Variants in CACNA2D3 observed in about 807,000 individuals in gnomAD.
CACNA2D3 encodes the protein voltage-dependent calcium channel subunit alpha-2/delta-3.
In CACNA2D3, 60 loss-of-function variants were observed where a neutral mutation model predicts 160.6. That is an observed-to-expected ratio of 0.37 (90% CI 0.30 to 0.46). The LOEUF (loss-of-function observed/expected upper bound fraction) is 0.46. Ranked by LOEUF, CACNA2D3 falls within the 20% of genes least tolerant of loss-of-function variation. CACNA2D3 has a pLI of 1.00. For synonymous variants in CACNA2D3, 558 were observed against 492.9 expected (o/e 1.13, Z -1.75); for missense variants, 1,205 against 1,365.0 (o/e 0.88, Z 1.85).
intron 2 of CACNA2D3, among the ~76,000 whole-genome samples, chr3:54,260,533 C>T (rs1426378239): frequency 6.6e-6 from 1 of 152,056 alleles, no homozygotes; most frequent in Non-Finnish European, 1.5e-5. Flanking sequence ...TCTTGATGAC[C>T]TTATCTAATC....
rs533594944 is a variant in CACNA2D3, at chr3:54,555,463, G to A, written c.545-7337G>A. 5.3e-5 allele frequency among the ~76,000 whole-genome samples: 8 copies of A among 152,320 alleles called. No homozygotes were observed. The South Asian group carries it at 1.7e-3, about 32-fold the overall frequency. On this transcript the variant is annotated intron_variant, in intron 5 of 37. Transcript: ENST00000474759. The stretch of plus-strand genomic sequence containing the variant: ...CCTATGTAGCATGTGCACACCACAA[G>A]CCAGAGCAGTTATCTGGGTGAAAAT...
At chr3:54,207,547 C>A (rs1264636096) in intron 2 of CACNA2D3, among the ~76,000 whole-genome samples, 1 of 152,190 alleles carries the variant, frequency 6.6e-6, no homozygotes, top group South Asian at 2.1e-4. Flanking sequence ...CTCCCTTGCA[C>A]AAACCCACTG....
At chr3:54,147,063 C>T (rs1190246645) in intron 2 of CACNA2D3, among the ~76,000 whole-genome samples, 1 of 152,232 alleles carries the variant, frequency 6.6e-6, no homozygotes, top group Admixed American at 6.5e-5. Context: ...GCATCAGAAC[C>T]CATACCTTTT....
At chr3:55,054,767 T>C (rs1704321744) in intron 35 of CACNA2D3, among the ~76,000 whole-genome samples, 1 of 151,964 alleles carries the variant, frequency 6.6e-6, no homozygotes, top group Admixed American at 6.6e-5. Context: ...TTTTGTACTT[T>C]GGATATTGTG....
intron 13 of CACNA2D3, among the ~76,000 whole-genome samples, chr3:54,765,741 T>G: frequency 6.6e-6 from 1 of 152,198 alleles, no homozygotes; most frequent in East Asian, 1.9e-4. Flanking sequence ...AGACACAGTT[T>G]CTACAATTAA....
At chr3:54,515,453 G>T (rs1701535430) in intron 5 of CACNA2D3, among the ~76,000 whole-genome samples, 1 of 152,162 alleles carries the variant, frequency 6.6e-6, no homozygotes, top group Admixed American at 6.5e-5. Context: ...CTGATAAAAG[G>T]AAATACGCCT....
At chr3:54,715,819 G>A (rs1701040958) in intron 11 of CACNA2D3, among the ~76,000 whole-genome samples, 1 of 152,180 alleles carries the variant, frequency 6.6e-6, no homozygotes, top group Non-Finnish European at 1.5e-5. Context: ...GATAAACTTG[G>A]AGGACATTAT....
At chr3:54,580,191 C>T (rs1241312090) in intron 8 of CACNA2D3, among the ~76,000 whole-genome samples, 2 of 152,012 alleles carry the variant, frequency 1.3e-5, no homozygotes, top group Admixed American at 6.6e-5. Context: ...GCTTGCCAAA[C>T]GGTGCTAAGA....
intron 11 of CACNA2D3, among the ~76,000 whole-genome samples, chr3:54,644,993 A>C (rs1699606287): frequency 6.6e-6 from 1 of 152,222 alleles, no homozygotes; most frequent in African/African-American, 2.4e-5. Context: ...AAAAACTGTC[A>C]ATTACCAATC....
rs1350122712 is a variant in CACNA2D3 at position 54,822,799 on chromosome 3, C to CT, written c.1398+5932dup. On this transcript the variant is annotated intron_variant, in intron 14 of 37. Transcript: ENST00000474759. ...CTTTCTTTCTTTCTTTCCTTTCTTT[C>CT]TTTCTTTCTTTCTTTCTTTCTTTCT... Among the ~76,000 whole-genome samples, 204 of 53,178 alleles carry CT rather than the reference C, an allele frequency of 3.8e-3. 1 individual carries two copies. Among genetic ancestry groups the CT allele is most frequent in the African/African-American group, 9.6e-3 (131 of 13,688 alleles). 34.9% of individuals were successfully genotyped at this position (53,178 alleles called of 152,430 possible). A position where few individuals can be genotyped will look rare whatever the true frequency, so the allele number is the denominator to read the frequency against.
chr3:54,716,284 G>C (rs13084602), intron 11 of CACNA2D3, among the ~76,000 whole-genome samples: 33,437 of 152,064 alleles, frequency 0.22, 3,932 homozygotes, highest in South Asian at 0.29. Context: ...TGCTAAGGTT[G>C]AGGATACACC....
chr3:54,149,918 T>TCG (rs1700109415), intron 2 of CACNA2D3, among the ~76,000 whole-genome samples: 3 of 88,040 alleles, frequency 3.4e-5, no homozygotes, highest in African/African-American at 1.5e-4. Context: ...TCTCTCTCTC[T>TCG]CTCTCTCTCT....
rs1272749149 is a variant in CACNA2D3, at chr3:54,763,746, TGC to T, written c.1247-471_1247-470del. Among the ~76,000 whole-genome samples, 73 of 92,052 alleles carry T rather than the reference TGC, an allele frequency of 7.9e-4. 8 individuals are homozygous for T. The highest frequency in any genetic ancestry group is 9.7e-4 in the Non-Finnish European group (41 of 42,208). The allele number at this position is 92,052 out of a possible 152,430, so 60.4% of individuals were successfully genotyped here. On this transcript the variant is annotated intron_variant, in intron 12 of 37. Coordinates refer to ENST00000474759, the MANE Select transcript of CACNA2D3 (RefSeq NM_018398.3). ...ATATACATATATATGTGTATATATGTGCATATATATACACATATATATGTATA... is the reference window on the plus strand; with the variant it reads ...ATATACATATATATGTGTATATATGTATATATATACACATATATATGTATA...
At chr3:54,304,607 C>T (rs1378636452) in intron 2 of CACNA2D3, among the ~76,000 whole-genome samples, 4 of 152,070 alleles carry the variant, frequency 2.6e-5, no homozygotes, top group Admixed American at 6.5e-5. Context: ...ATTACATCTA[C>T]CATCTGATTG....
At chr3:54,404,731 C>A (rs1458358110) in intron 4 of CACNA2D3, among the ~76,000 whole-genome samples, 2 of 151,860 alleles carry the variant, frequency 1.3e-5, no homozygotes, top group East Asian at 3.9e-4. Flanking sequence ...TGTAGAAAAC[C>A]CCAAAGACTC....
intron 5 of CACNA2D3, among the ~76,000 whole-genome samples, chr3:54,558,298 A>G (rs1702270729): frequency 6.6e-6 from 1 of 152,302 alleles, no homozygotes; most frequent in Non-Finnish European, 1.5e-5. Flanking sequence ...TGGTGAGGGT[A>G]CAGGGCTCTA....
At chr3:54,286,134 C>T (rs200984048) in intron 2 of CACNA2D3, among the ~76,000 whole-genome samples, 1 of 152,164 alleles carries the variant, frequency 6.6e-6, no homozygotes, top group East Asian at 1.9e-4. Flanking sequence ...CTACTCCGAG[C>T]TACAGGAGGA....
intron 27 of CACNA2D3, among the ~76,000 whole-genome samples, chr3:54,961,033 T>A (rs1702019806): frequency 6.6e-6 from 1 of 152,226 alleles, no homozygotes; most frequent in South Asian, 2.1e-4. Context: ...TTCAGATTCG[T>A]TGTTAGTTCT....
chr3:54,969,328 C>T (rs552273904), intron 28 of CACNA2D3, among the ~76,000 whole-genome samples: 3 of 144,852 alleles, frequency 2.1e-5, no homozygotes, highest in Non-Finnish European at 3.0e-5. Context: ...GGTGCGATCT[C>T]GACTCACTGC....
Sources: gnomAD v4.1 joint callset for allele counts (sites outside exome capture counted in the v4.1 genomes callset) on GRCh38, gnomAD v4.1.1 for gene constraint, MANE v1.5 for transcripts, NCBI Gene and HGNC (gene_info 2026-07-23, HGNC 2026-07-21) for gene names.